Variants in DDHD2 observed in about 807,000 individuals in gnomAD.
DDHD2 encodes triacylglycerol hydrolase DDHD2.
In DDHD2, 62 loss-of-function variants were observed where a neutral mutation model predicts 91.2. The observed-to-expected ratio is 0.68, with a 90% confidence interval of 0.55 to 0.84. DDHD2 has a LOEUF of 0.84. Ranked by LOEUF, DDHD2 falls within the 40% of genes least tolerant of loss-of-function variation. The pLI is 0.00. For synonymous variants in DDHD2, 271 were observed against 293.9 expected (o/e 0.92, Z 0.80); for missense variants, 740 against 846.9 (o/e 0.87, Z 1.57).
At chr8:38,267,460 C>A, downstream of DDHD2, 1 of 1,574,740 alleles carries the variant, frequency 6.4e-7, no homozygotes. Flanking sequence ...TTGTAGCAGA[C>A]ATTAATAATC....
Position 38,262,635 on chromosome 8 carries a change from TATCTC to T in DDHD2, c.*2064_*2068del, listed in dbSNP as rs1410660176. 3.9e-5 allele frequency: 6 copies of T among 152,370 alleles called. No homozygotes were observed. The highest frequency in any genetic ancestry group is 2.1e-4 in the South Asian group (1 of 4,832). 9.4% of individuals were successfully genotyped at this position (152,370 alleles called of 1,614,324 possible). A position where few individuals can be genotyped will look rare whatever the true frequency, so the allele number is the denominator to read the frequency against. On this transcript the variant is annotated 3_prime_UTR_variant, in exon 18 of 18. Transcript: ENST00000397166. The stretch of plus-strand genomic sequence containing the variant: ...TCCCAGCTGCAGAACTAGTATCACT[TATCTC>T]AGCAAAAGAGATTGTTTGCATGGAA...
chr8:38,264,775 T>C (rs1585794435), downstream of DDHD2: 2 of 1,474,882 alleles, frequency 1.4e-6, no homozygotes, highest in South Asian at 1.4e-5. Context: ...AATTTTATCA[T>C]AGTTACAGTA....
chr8:38,254,776 A>T (rs1585758592), intron 16 of DDHD2, among the ~76,000 whole-genome samples: 1 of 151,920 alleles, frequency 6.6e-6, no homozygotes, highest in African/African-American at 2.4e-5. Context: ...TAATCCCAGC[A>T]CTTTGGGAGG....
chr8:38,242,011 G>A (rs1051167388), intron 6 of DDHD2: 18 of 368,720 alleles, frequency 4.9e-5, no homozygotes, highest in South Asian at 7.5e-5. Flanking sequence ...GTGAGATCTC[G>A]CCACTGCACC....
chr8:38,247,617 A>G, intron 9 of DDHD2, 96 bp from the exon 10 acceptor site: 1 of 752,984 alleles, frequency 1.3e-6, no homozygotes, highest in Non-Finnish European at 2.0e-6. Context: ...GTTAAGATAC[A>G]TTGCTGTGGA....
At chr8:38,257,305 G>A (rs1468563926) in intron 16 of DDHD2, among the ~76,000 whole-genome samples, 5 of 128,398 alleles carry the variant, frequency 3.9e-5, no homozygotes, top group South Asian at 2.4e-4. Context: ...CTGGAGTGCT[G>A]TGGCACGATC....
chr8:38,242,232 G>A lies in DDHD2; in HGVS notation c.713-18G>A, dbSNP rs1805316758. 1 of 1,573,054 alleles carries A rather than the reference G, an allele frequency of 6.4e-7. No individual in the cohort carries two copies. The highest frequency in any genetic ancestry group is 8.6e-7 in the Non-Finnish European group (1 of 1,163,948). ...TTGTTACTTCATTGTTGATGCATAA[G>A]TTAATTTTCTTTTCCAGTTAATGAT... is the stretch of plus-strand genomic sequence containing the variant. On this transcript the variant is annotated intron_variant, in intron 6 of 17. Transcript: ENST00000397166.
intron 1 of DDHD2, chr8:38,268,109 T>A (rs1484889024): frequency 1.2e-5 from 18 of 1,464,350 alleles, no homozygotes; most frequent in Non-Finnish European, 1.6e-5. Context: ...CAGTGATCAC[T>A]CTTTTGTAGC....
At chr8:38,241,312 T>G (rs1266794821) in intron 6 of DDHD2, among the ~76,000 whole-genome samples, 1 of 152,246 alleles carries the variant, frequency 6.6e-6, no homozygotes, top group Non-Finnish European at 1.5e-5. Flanking sequence ...GCAAGACTGT[T>G]GTTATATTGT....
At chr8:38,237,956 G>A in intron 4 of DDHD2, 133 bp from the exon 5 acceptor site, 2 of 826,380 alleles carry the variant, frequency 2.4e-6, no homozygotes, top group Non-Finnish European at 3.7e-6. Context: ...CAAGCCATAC[G>A]AGTTGTATAT....
chr8:38,264,988 G>A (rs750437380), downstream of DDHD2: 7 of 1,421,332 alleles, frequency 4.9e-6, no homozygotes, highest in African/African-American at 4.2e-5. Flanking sequence ...GTTGCTTCTC[G>A]CCGGGCACGG....
rs749469533 is a variant in DDHD2 at position 38,257,238 on chromosome 8, G to GTT, written c.2055-2775_2055-2774dup. 8.5e-3 allele frequency among the ~76,000 whole-genome samples: 543 copies of GTT among 63,828 alleles called. 83 individuals carry two copies. Among genetic ancestry groups the GTT allele is most frequent in the Non-Finnish European group, 0.012 (375 of 31,900 alleles). 41.9% of individuals were successfully genotyped at this position (63,828 alleles called of 152,430 possible). On this transcript the variant is annotated intron_variant, in intron 16 of 17. Coordinates refer to ENST00000397166, the MANE Select transcript of DDHD2 (RefSeq NM_015214.3). ...GTAAGCCACCATATCTGGCCAACAA[G>GTT]TTTTTTTTTTTTTTTTTTTTTTTTT... is the stretch of plus-strand genomic sequence containing the variant.
At chr8:38,239,576 A>T (rs1805081083) in intron 5 of DDHD2, among the ~76,000 whole-genome samples, 1 of 146,418 alleles carries the variant, frequency 6.8e-6, no homozygotes, top group African/African-American at 2.5e-5. Context: ...AGTCCCAACT[A>T]CTCGGGAGGC....
intron 1 of DDHD2, chr8:38,268,570 T>G: frequency 1.4e-6 from 2 of 1,475,480 alleles, no homozygotes; most frequent in Non-Finnish European, 9.0e-7. Context: ...TAACATAAGG[T>G]CTCTGAGTGC....
intron 10 of DDHD2, among the ~76,000 whole-genome samples, chr8:38,248,301 T>C (rs1428587862): frequency 6.6e-6 from 1 of 151,640 alleles, no homozygotes; most frequent in Non-Finnish European, 1.5e-5. Flanking sequence ...GACCCCGTGA[T>C]CCACCCACCT....
chr8:38,272,058 C>T (rs1418255949), downstream of DDHD2: 1 of 152,204 alleles, frequency 6.6e-6, no homozygotes, highest in East Asian at 1.9e-4. Context: ...CTTCATGAAC[C>T]AGGAAAGTTG....
chr8:38,237,648 T>G, intron 4 of DDHD2, 21 bp downstream of exon 4: 1 of 1,414,828 alleles, frequency 7.1e-7, no homozygotes, highest in East Asian at 2.3e-5. Context: ...GCATTTCTCT[T>G]GTCGGGATAA....
At chr8:38,245,103 C>T (rs954026901) in intron 7 of DDHD2, among the ~76,000 whole-genome samples, 1 of 151,468 alleles carries the variant, frequency 6.6e-6, no homozygotes, top group African/African-American at 2.4e-5. Flanking sequence ...AAATAAAGCC[C>T]ATACCTTGCA....
rs1226490395 is a variant in DDHD2 at position 38,268,188 on chromosome 8, CT to C, written n.88-2933del. On this transcript the variant is annotated intron_variant and non_coding_transcript_variant, in intron 1 of 1. Transcript: ENST00000526071. ...TAACCCAGTGCATTTAGGCACAGGGCTGCCTGCCGTGTAGCCTGCGTAACCA... is the reference window on the plus strand; with the variant it reads ...TAACCCAGTGCATTTAGGCACAGGGCGCCTGCCGTGTAGCCTGCGTAACCA... 9.4e-5 allele frequency: 108 copies of C among 1,146,104 alleles called. No homozygotes were observed. In the African/African-American group the frequency reaches 1.3e-3, roughly 14 times the overall value. 71.0% of individuals were successfully genotyped at this position (1,146,104 alleles called of 1,614,324 possible). A position where few individuals can be genotyped will look rare whatever the true frequency, so the allele number is the denominator to read the frequency against.
Sources: gnomAD v4.1 joint callset for allele counts (sites outside exome capture counted in the v4.1 genomes callset) on GRCh38, gnomAD v4.1.1 for gene constraint, MANE v1.5 for transcripts, NCBI Gene and HGNC (gene_info 2026-07-23, HGNC 2026-07-21) for gene names.